The following SUCO variants were observed in gnomAD, a reference collection of about 807,000 sequenced individuals.
SUCO encodes SUN domain-containing ossification factor.
SUCO carries 57 observed loss-of-function variants against 148.1 expected under a neutral mutation model. The observed-to-expected ratio is 0.38, with a 90% CI of 0.31 to 0.48. The LOEUF (loss-of-function observed/expected upper bound fraction) is 0.48. Among genes scored for constraint, SUCO ranks in the 20% least tolerant of loss-of-function variants. SUCO has a pLI of 0.96. For missense variants in SUCO, 1,331 were observed against 1,468.2 expected (o/e 0.91, Z 1.53); for synonymous variants, 470 against 502.7 (o/e 0.93, Z 0.87).
chr1:172,590,737 A>G (rs757853552), intron 18 of SUCO, among the ~76,000 whole-genome samples: 1 of 152,140 alleles, frequency 6.6e-6, no homozygotes, highest in Non-Finnish European at 1.5e-5. Flanking sequence ...CATGTGTAAC[A>G]TGCCCACTTA....
chr1:172,577,878 C>T (rs928111817), intron 13 of SUCO, 59 bp downstream of exon 13: 49 of 1,324,560 alleles, frequency 3.7e-5, no homozygotes, highest in Non-Finnish European at 4.8e-5. Context: ...ACAAAATTTT[C>T]GATATATTTA....
rs370763504 is a variant in SUCO, at chr1:172,588,742, T to C, written c.1659-18T>C. On this transcript the variant is annotated intron_variant, in intron 17 of 23. Coordinates refer to ENST00000263688, the MANE Select transcript of SUCO (RefSeq NM_014283.5). Reference sequence around the variant, plus strand: ...CTTCTAAGTAAGTGATTTATAATTATGATATATGTATTTCTAGGTATGTAA... The same window carrying C: ...CTTCTAAGTAAGTGATTTATAATTACGATATATGTATTTCTAGGTATGTAA... 2 of 1,375,210 alleles carry C rather than the reference T, an allele frequency of 1.5e-6. No individual in the cohort carries two copies. Among genetic ancestry groups the C allele is most frequent in the African/African-American group, 1.5e-5 (1 of 68,782 alleles). The allele number at this position is 1,375,210 out of a possible 1,614,324, so 85.2% of individuals were successfully genotyped here.
At chr1:172,588,546 A>G in intron 17 of SUCO, 1 of 985,134 alleles carries the variant, frequency 1.0e-6, no homozygotes, top group Non-Finnish European at 1.2e-6. Flanking sequence ...TCATCTGGCT[A>G]GTCACTTGAT....
Position 172,598,829 on chromosome 1 carries a change from A to G in SUCO, c.2914-1235A>G, listed in dbSNP as rs1008883330. Among the ~76,000 whole-genome samples, 4 of 152,224 alleles carry G rather than the reference A, an allele frequency of 2.6e-5. No homozygotes were observed. In the South Asian group the frequency reaches 8.3e-4, roughly 31 times the overall value. On this transcript the variant is annotated intron_variant, in intron 19 of 23. Transcript: ENST00000263688. ...TGTAAGTCAGGATTCAAAAGAAACA[A>G]TTTAAAAAGTCACATTTAGCATTTT...
rs1321467967 is a variant in SUCO, at chr1:172,587,850, G to A, written c.1659-910G>A. Among the ~76,000 whole-genome samples the A allele has an allele frequency of 2.6e-5, 4 of 151,916 alleles. No individual in the cohort carries two copies. In the East Asian group the frequency reaches 7.7e-4, roughly 29 times the overall value. On this transcript the variant is annotated intron_variant, in intron 17 of 23. Coordinates refer to ENST00000263688, the MANE Select transcript of SUCO (RefSeq NM_014283.5). ...TATTTTTTCATATTGGACTTTTTAT[G>A]TATAAGGCTACACCCAGTAATTAAC... is the stretch of plus-strand genomic sequence containing the variant.
intron 1 of SUCO, among the ~76,000 whole-genome samples, chr1:172,549,435 C>G (rs1004584580): frequency 6.6e-6 from 1 of 151,722 alleles, no homozygotes; most frequent in Admixed American, 6.6e-5. Context: ...CATTATTTTG[C>G]TAGATTTGAT....
At chr1:172,538,914 C>CTGT (rs1652227927) in intron 1 of SUCO, among the ~76,000 whole-genome samples, 2 of 152,152 alleles carry the variant, frequency 1.3e-5, no homozygotes, top group Admixed American at 1.3e-4. Context: ...CTTTGCATAA[C>CTGT]ACTTGAACAC....
intron 19 of SUCO, among the ~76,000 whole-genome samples, chr1:172,592,595 G>A (rs1656751892): frequency 6.6e-6 from 1 of 152,078 alleles, no homozygotes; most frequent in Non-Finnish European, 1.5e-5. Context: ...GTAGATGTGT[G>A]GTATTATTTC....
chr1:172,556,254 G>A (rs191977076), intron 4 of SUCO, among the ~76,000 whole-genome samples: 2 of 152,306 alleles, frequency 1.3e-5, no homozygotes, highest in East Asian at 3.9e-4. Context: ...GAAGCTGATA[G>A]ATCCCAGATA....
chr1:172,549,195 T>C (rs1653090565), intron 1 of SUCO, among the ~76,000 whole-genome samples: 1 of 151,904 alleles, frequency 6.6e-6, no homozygotes, highest in Admixed American at 6.6e-5. Flanking sequence ...ACCCCTAATG[T>C]TTCCTAACAT....
In SUCO at chr1:172,533,269, G is replaced by A; in HGVS notation, c.-167G>A. ...GCGCCTCTGTGGGGCCCTCAGAGAG[G>A]GCTGCCAGGACGCGAGCCACTGAGG... On this transcript the variant is annotated 5_prime_UTR_variant, in exon 1 of 24. Coordinates refer to ENST00000263688, the MANE Select transcript of SUCO (RefSeq NM_014283.5). 5 of 1,549,456 alleles carry A rather than the reference G, an allele frequency of 3.2e-6. No individual in the cohort carries two copies. The highest frequency in any genetic ancestry group is 4.4e-6 in the Non-Finnish European group (5 of 1,146,922).
At chr1:172,546,486 A>T (rs1303756394) in intron 1 of SUCO, among the ~76,000 whole-genome samples, 1 of 152,226 alleles carries the variant, frequency 6.6e-6, no homozygotes, top group Non-Finnish European at 1.5e-5. Context: ...TGATTTTCGT[A>T]GTGGCAACAA....
Position 172,556,936 on chromosome 1 carries a change from A to G in SUCO, c.444-344A>G, listed in dbSNP as rs1242578140. The G allele has an allele frequency of 3.1e-6, 3 of 979,712 alleles. No individual in the cohort carries two copies. In the African/African-American group the frequency reaches 5.3e-5, roughly 17 times the overall value. The allele number at this position is 979,712 out of a possible 1,614,324, so 60.7% of individuals were successfully genotyped here. Reference sequence around the variant, plus strand: ...AAGAACACCTTAAAATTTTAGTGAAATGTCTTGAGATAATGACTTTTGAAG... The same window carrying G: ...AAGAACACCTTAAAATTTTAGTGAAGTGTCTTGAGATAATGACTTTTGAAG... On this transcript the variant is annotated intron_variant, in intron 4 of 23. Transcript: ENST00000263688.
chr1:172,581,938 A>G (rs1168146611), intron 15 of SUCO, among the ~76,000 whole-genome samples: 1 of 152,226 alleles, frequency 6.6e-6, no homozygotes, highest in Non-Finnish European at 1.5e-5. Context: ...AGAAGCTGTT[A>G]TCTTAGAGCA....
At chr1:172,536,172 G>A (rs189225917) in intron 1 of SUCO, among the ~76,000 whole-genome samples, 1 of 152,174 alleles carries the variant, frequency 6.6e-6, no homozygotes. Context: ...ATGTGAGGAA[G>A]TAGAGAGGTT....
intron 6 of SUCO, among the ~76,000 whole-genome samples, chr1:172,564,668 A>G (rs899103386): frequency 2.0e-5 from 3 of 151,942 alleles, no homozygotes; most frequent in Non-Finnish European, 4.4e-5. Flanking sequence ...GTGAGAATGG[A>G]CTAATACGTT....
chr1:172,597,188 C>A (rs1260532303), intron 19 of SUCO, among the ~76,000 whole-genome samples: 1 of 152,260 alleles, frequency 6.6e-6, no homozygotes, highest in Non-Finnish European at 1.5e-5. Flanking sequence ...CCATCTGTCA[C>A]AGCTTCCCTT....
chr1:172,555,224 A>G lies in SUCO; in HGVS notation c.289-645A>G, dbSNP rs970479430. ...CATGAATAATGGCAATTGAGTTGTT[A>G]TAGATGCAGTGATAAAAGTGTACAG... is the stretch of plus-strand genomic sequence containing the variant. On this transcript the variant is annotated intron_variant, in intron 3 of 23. Transcript: ENST00000263688. 5 of 163,994 alleles carry G rather than the reference A, an allele frequency of 3.0e-5. No homozygotes were observed. The Middle Eastern group carries it at 9.2e-3, about 302-fold the overall frequency. The allele number at this position is 163,994 out of a possible 1,614,324, so 10.2% of individuals were successfully genotyped here. A position where few individuals can be genotyped will look rare whatever the true frequency, so the allele number is the denominator to read the frequency against.
At chr1:172,552,739 A>G (rs1351057413) in intron 2 of SUCO, 15 of 616,072 alleles carry the variant, frequency 2.4e-5, no homozygotes, top group Non-Finnish European at 3.0e-5. Flanking sequence ...TTGCAAACAA[A>G]TGTCATAAAA....
Sources: gnomAD v4.1 joint callset for allele counts (sites outside exome capture counted in the v4.1 genomes callset) on GRCh38, gnomAD v4.1.1 for gene constraint, MANE v1.5 for transcripts, NCBI Gene and HGNC (gene_info 2026-07-23, HGNC 2026-07-21) for gene names.